The following DCLK3 variants were observed in gnomAD, a reference collection of about 807,000 sequenced individuals.
The protein encoded by DCLK3 is serine/threonine-protein kinase DCLK3.
DCLK3 carries 30 observed loss-of-function variants against 46.4 expected under a neutral mutation model. The ratio of observed to expected loss-of-function variants is 0.65; its 90% CI spans 0.48 to 0.88. The LOEUF (loss-of-function observed/expected upper bound fraction) is 0.88, where lower values mean the gene tolerates loss of function less well. Among genes scored for constraint, DCLK3 ranks in the 40% least tolerant of loss-of-function variants. DCLK3 has a pLI of 0.00. For missense variants in DCLK3, 846 were observed against 907.1 expected (o/e 0.93, Z 0.87); for synonymous variants, 401 against 339.2 (o/e 1.18, Z -2.00).
intron 3 of DCLK3, among the ~76,000 whole-genome samples, chr3:36,719,418 G>T (rs1701029418): frequency 6.6e-6 from 1 of 152,156 alleles, no homozygotes; most frequent in Non-Finnish European, 1.5e-5. Flanking sequence ...AGTCACTAAT[G>T]ACCTCTTTTG....
At chr3:36,724,949 A>C (rs556062535) in intron 2 of DCLK3, among the ~76,000 whole-genome samples, 2 of 152,024 alleles carry the variant, frequency 1.3e-5, no homozygotes, top group East Asian at 3.9e-4. Context: ...TCCAACTCCA[A>C]GACTTGAGGC....
chr3:36,735,692 G>C (rs557304429), intron 2 of DCLK3, among the ~76,000 whole-genome samples: 2 of 152,284 alleles, frequency 1.3e-5, no homozygotes, highest in Admixed American at 6.5e-5. Context: ...CTATTGCTTT[G>C]TCTGCAATGA....
intron 1 of DCLK3, among the ~76,000 whole-genome samples, chr3:36,751,608 C>T (rs1054724032): frequency 2.6e-5 from 4 of 152,220 alleles, no homozygotes; most frequent in African/African-American, 7.2e-5. Context: ...CAGACTGTTG[C>T]CTTCAGAGGC....
At chr3:36,751,077 A>AAAAAAAAAAAC (rs1343939641) in intron 1 of DCLK3, among the ~76,000 whole-genome samples, 10 of 150,940 alleles carry the variant, frequency 6.6e-5, no homozygotes, top group Non-Finnish European at 1.3e-4. Context: ...AAAAAAAAAA[A>AAAAAAAAAAAC]AAAAAAAAAC....
rs1700948818 is a variant in DCLK3 at position 36,714,388 on chromosome 3, A to G, written c.*940T>C. 2 of 152,340 alleles carry G rather than the reference A, an allele frequency of 1.3e-5. No homozygotes were observed. The highest frequency in any genetic ancestry group is 1.3e-4 in the Admixed American group (2 of 15,296). The allele number at this position is 152,340 out of a possible 1,614,324, so 9.4% of individuals were successfully genotyped here. ...AGGATATGTCTTGCTGTCAGCTCAC[A>G]CAGACTCCCAGAATCATCTGCAAAG... On this transcript the variant is annotated 3_prime_UTR_variant, in exon 5 of 5. Transcript: ENST00000636136.
intron 1 of DCLK3, among the ~76,000 whole-genome samples, chr3:36,747,962 T>C (rs1701407152): frequency 6.6e-6 from 1 of 152,196 alleles, no homozygotes; most frequent in Non-Finnish European, 1.5e-5. Context: ...TCTCTTGCTT[T>C]GCCAAAGTGG....
chr3:36,720,709 G>A (rs1203228006), intron 3 of DCLK3, among the ~76,000 whole-genome samples: 2 of 152,082 alleles, frequency 1.3e-5, no homozygotes, highest in African/African-American at 4.8e-5. Flanking sequence ...GTTTCACCAT[G>A]TTGGCCAGGA....
intron 1 of DCLK3, among the ~76,000 whole-genome samples, chr3:36,740,178 A>C (rs1479178098): frequency 7.4e-6 from 1 of 135,664 alleles, no homozygotes; most frequent in African/African-American, 2.8e-5. Flanking sequence ...CCTCCCTCCC[A>C]GGGTTTTTGT....
chr3:36,729,249 G>GTT (rs1491535379), intron 2 of DCLK3, among the ~76,000 whole-genome samples: 1 of 19,586 alleles, frequency 5.1e-5, no homozygotes, highest in African/African-American at 2.4e-4. Context: ...GTGTGTGTGT[G>GTT]GGGGGGGGGG....
At chr3:36,740,730 T>C (rs761363558) in intron 1 of DCLK3, among the ~76,000 whole-genome samples, 6 of 152,182 alleles carry the variant, frequency 3.9e-5, no homozygotes, top group Non-Finnish European at 4.4e-5. Context: ...TAAGCCACAA[T>C]GGTAGGATGA....
At chr3:36,758,805 G>A (rs1320898641) in intron 1 of DCLK3, among the ~76,000 whole-genome samples, 1 of 152,210 alleles carries the variant, frequency 6.6e-6, no homozygotes, top group Non-Finnish European at 1.5e-5. Flanking sequence ...GTATAGAAAG[G>A]AAACTGATGA....
intron 2 of DCLK3, among the ~76,000 whole-genome samples, chr3:36,726,843 A>T (rs1701130285): frequency 6.6e-6 from 1 of 152,224 alleles, no homozygotes; most frequent in Admixed American, 6.5e-5. Context: ...TACCAGAATA[A>T]TTTAAGAAAA....
chr3:36,761,586 A>G (rs1351419995), intron 1 of DCLK3, among the ~76,000 whole-genome samples: 2 of 152,158 alleles, frequency 1.3e-5, no homozygotes, highest in African/African-American at 4.8e-5. Flanking sequence ...AGACGGGCAA[A>G]ATTTAGACAT....
chr3:36,737,511 C>A lies in DCLK3; in HGVS notation c.1656G>T (p.Ala552=). 6.2e-7 allele frequency: 1 copy of A among 1,614,212 alleles called. No individual in the cohort carries two copies. Among genetic ancestry groups the A allele is most frequent in the Non-Finnish European group, 8.5e-7 (1 of 1,180,036 alleles). The change falls in exon 2 of 5, where the codon GCG becomes GCT. Residue 552 remains alanine, a synonymous_variant. Coordinates refer to ENST00000636136, the MANE Select transcript of DCLK3 (RefSeq NM_001394672.2). The surrounding 1 kb of genome is among the most constrained non-coding windows in gnomAD (Gnocchi z 4.4). ...CRHRETRQAY[A]MKIIDKSRLK... is the part of the protein sequence containing the mutation. ...GTCTGGACTTGTCAATGATCTTCATCGCATAGGCCTGCCTGGTCTCGCGGT... is the reference window on the plus strand; with the variant it reads ...GTCTGGACTTGTCAATGATCTTCATAGCATAGGCCTGCCTGGTCTCGCGGT...
intron 2 of DCLK3, among the ~76,000 whole-genome samples, chr3:36,721,866 A>G (rs1372074390): frequency 6.6e-6 from 1 of 152,250 alleles, no homozygotes; most frequent in Non-Finnish European, 1.5e-5. Context: ...TAGATTTACT[A>G]GGCCGTCCAA....
Position 36,752,714 on chromosome 3 carries a change from C to T in DCLK3, c.82+11468G>A, listed in dbSNP as rs779067042. On this transcript the variant is annotated intron_variant, in intron 1 of 4. Coordinates refer to ENST00000636136, the MANE Select transcript of DCLK3 (RefSeq NM_001394672.2). ...GAAAGACCCTCAAATTGCTCCATCC[C>T]CCTCCCTCACCAGTCTGGTTTCTTT... 3.9e-5 allele frequency among the ~76,000 whole-genome samples: 6 copies of T among 152,248 alleles called. 1 individual carries two copies. The highest frequency in any genetic ancestry group is 6.8e-3 in the Middle Eastern group (2 of 294).
intron 1 of DCLK3, among the ~76,000 whole-genome samples, chr3:36,744,368 C>T (rs1282345918): frequency 6.6e-6 from 1 of 152,202 alleles, no homozygotes; most frequent in Non-Finnish European, 1.5e-5. Context: ...CATCCATCTG[C>T]GACAGGAAAT....
chr3:36,757,921 C>T (rs1314584547), intron 1 of DCLK3, among the ~76,000 whole-genome samples: 1 of 152,100 alleles, frequency 6.6e-6, no homozygotes, highest in Non-Finnish European at 1.5e-5. Context: ...CAAATCCATG[C>T]TTCCTCTCTC....
chr3:36,717,057 T>A (rs1346424860), intron 4 of DCLK3, among the ~76,000 whole-genome samples: 2 of 152,228 alleles, frequency 1.3e-5, no homozygotes, highest in Non-Finnish European at 2.9e-5. Context: ...GTTCAATAAC[T>A]AAAATTCAAT....
Sources: gnomAD v4.1 joint callset for allele counts (sites outside exome capture counted in the v4.1 genomes callset) on GRCh38, gnomAD v4.1.1 for gene constraint, Gnocchi (gnomAD v3.1) non-coding constraint, MANE v1.5 for transcripts, NCBI Gene and HGNC (gene_info 2026-07-23, HGNC 2026-07-21) for gene names.